NTM: variants seen among roughly 807,000 people sequenced by gnomAD.
The protein encoded by NTM is IgLON family member 2.
NTM carries 13 observed loss-of-function variants against 42.1 expected under a neutral mutation model. That is an observed-to-expected ratio of 0.31 (90% CI 0.20 to 0.49). NTM has a LOEUF of 0.49. Ranked by LOEUF, NTM falls within the 20% of genes least tolerant of loss-of-function variation. The pLI, the probability that NTM is intolerant of heterozygous loss-of-function variation, is 0.99. For synonymous variants in NTM, 187 were observed against 179.2 expected (o/e 1.04, Z -0.35); for missense variants, 373 against 452.8 (o/e 0.82, Z 1.60).
chr11:131,999,817 A>G (rs74420152), intron 2 of NTM, among the ~76,000 whole-genome samples: 3,540 of 152,248 alleles, frequency 0.023, 133 homozygotes, highest in African/African-American at 0.081. Flanking sequence ...GCATTCATTA[A>G]AGAGAAACTA....
At chr11:132,100,758 A>G (rs2061531142) in intron 2 of NTM, among the ~76,000 whole-genome samples, 1 of 152,160 alleles carries the variant, frequency 6.6e-6, no homozygotes, top group African/African-American at 2.4e-5. Flanking sequence ...ACCCCCACGC[A>G]TACATATACA....
intron 1 of NTM, among the ~76,000 whole-genome samples, chr11:131,880,046 G>A (rs998741619): frequency 6.6e-6 from 1 of 152,276 alleles, no homozygotes; most frequent in Admixed American, 6.5e-5. Flanking sequence ...TGGAGACATC[G>A]AAACATCAAC....
chr11:131,764,407 T>C (rs2084774863), intron 1 of NTM, among the ~76,000 whole-genome samples: 1 of 152,132 alleles, frequency 6.6e-6, no homozygotes, highest in Non-Finnish European at 1.5e-5. Flanking sequence ...GGATACCCTG[T>C]GTTGAGAGAC....
intron 1 of NTM, among the ~76,000 whole-genome samples, chr11:131,708,681 T>G (rs2076824516): frequency 6.6e-6 from 1 of 152,146 alleles, no homozygotes; most frequent in East Asian, 1.9e-4. Context: ...TAACAGAAAT[T>G]TATACATTTC....
At chr11:132,094,433 G>A (rs2136450316) in intron 2 of NTM, among the ~76,000 whole-genome samples, 1 of 152,234 alleles carries the variant, frequency 6.6e-6, no homozygotes, top group Non-Finnish European at 1.5e-5. Context: ...CTCCATGGGT[G>A]CAGCACTTCC....
intron 1 of NTM, among the ~76,000 whole-genome samples, chr11:131,822,751 G>A (rs7933669): frequency 0.026 from 3,976 of 152,248 alleles, 169 homozygotes; most frequent in African/African-American, 0.092. Context: ...ATATTCCATA[G>A]GATAGGGCAA....
At chr11:131,600,199 C>T (rs900953703) in intron 1 of NTM, among the ~76,000 whole-genome samples, 1 of 152,120 alleles carries the variant, frequency 6.6e-6, no homozygotes, top group Admixed American at 6.5e-5. Flanking sequence ...TAGGGAGACA[C>T]CTTGCTGTTT....
intron 2 of NTM, among the ~76,000 whole-genome samples, chr11:131,957,099 A>C (rs2061637029): frequency 6.6e-6 from 1 of 152,176 alleles, no homozygotes; most frequent in African/African-American, 2.4e-5. Context: ...AAGGTCATGT[A>C]AACTACGAGG....
intron 2 of NTM, among the ~76,000 whole-genome samples, chr11:131,973,822 A>C (rs762066642): frequency 6.6e-6 from 1 of 152,162 alleles, no homozygotes; most frequent in Non-Finnish European, 1.5e-5. Flanking sequence ...GTCTGAGAAA[A>C]ACAACAACGA....
At position 132,262,293 on chromosome 11, in the gene NTM, T is replaced by A. The variant is rs576680537; in HGVS notation, c.527-45396T>A. ...AGGCCTTTTGGCTCCTTCTCCCCAC[T>A]GCCTCAGGTTCCCAGGATTTCTGTG... On this transcript the variant is annotated intron_variant, in intron 4 of 8. Transcript: ENST00000683400. Among the ~76,000 whole-genome samples, 9 of 152,358 alleles carry A rather than the reference T, an allele frequency of 5.9e-5. No homozygotes were observed. The East Asian group carries it at 1.5e-3, about 26-fold the overall frequency.
intron 1 of NTM, among the ~76,000 whole-genome samples, chr11:131,547,457 C>T (rs1024337133): frequency 3.9e-5 from 6 of 152,184 alleles, no homozygotes; most frequent in African/African-American, 1.4e-4. Context: ...TGGGCAGAGC[C>T]TTCGGTGGCA....
At chr11:131,609,027 C>A (rs994133878) in intron 1 of NTM, among the ~76,000 whole-genome samples, 1 of 152,176 alleles carries the variant, frequency 6.6e-6, no homozygotes, top group Non-Finnish European at 1.5e-5. Context: ...TGGAAATAGG[C>A]CTATTCGCAT....
At chr11:132,084,283 G>A (rs771108687) in intron 2 of NTM, among the ~76,000 whole-genome samples, 8 of 152,018 alleles carry the variant, frequency 5.3e-5, no homozygotes, top group Non-Finnish European at 1.0e-4. Context: ...AAGAAATTTG[G>A]TTATCTTTGT....
chr11:132,104,255 C>G (rs1259538265), intron 2 of NTM, among the ~76,000 whole-genome samples: 2 of 152,068 alleles, frequency 1.3e-5, no homozygotes, highest in Non-Finnish European at 2.9e-5. Context: ...CCGCATGAGG[C>G]TATGTACCAA....
chr11:131,876,860 CT>C (rs112400063), intron 1 of NTM, among the ~76,000 whole-genome samples: 528 of 143,368 alleles, frequency 3.7e-3, no homozygotes, highest in East Asian at 0.032. Context: ...CAAAGCATAA[CT>C]TTTTTTTTTT....
At chr11:131,690,347 C>A (rs1001245186) in intron 1 of NTM, among the ~76,000 whole-genome samples, 1 of 152,172 alleles carries the variant, frequency 6.6e-6, no homozygotes, top group East Asian at 1.9e-4. Context: ...GATGTGAACC[C>A]CAGTACCAGA....
intron 1 of NTM, among the ~76,000 whole-genome samples, chr11:131,849,278 C>T (rs943894268): frequency 6.6e-6 from 1 of 152,128 alleles, no homozygotes; most frequent in Non-Finnish European, 1.5e-5. Flanking sequence ...TAAAGAAATA[C>T]CTGAGACTGG....
chr11:131,410,406 A>G (rs1377502301), intron 1 of NTM, among the ~76,000 whole-genome samples: 1 of 151,584 alleles, frequency 6.6e-6, no homozygotes, highest in Non-Finnish European at 1.5e-5. Context: ...GGCTCACTTG[A>G]ACCCAGGAGT....
chr11:131,392,095 G>A lies in NTM; in HGVS notation c.82+21207G>A, dbSNP rs529895117. ...TGCTCTAAAATACTAATAAGTAGAGGCCTTTGTAGTTTGGTTAATGGAGTC... is the reference window on the plus strand; with the variant it reads ...TGCTCTAAAATACTAATAAGTAGAGACCTTTGTAGTTTGGTTAATGGAGTC... On this transcript the variant is annotated intron_variant, in intron 1 of 8. Coordinates refer to ENST00000683400, the MANE Select transcript of NTM (RefSeq NM_001352005.2). 7.9e-5 allele frequency among the ~76,000 whole-genome samples: 12 copies of A among 152,320 alleles called. No individual in the cohort carries two copies. The South Asian group carries it at 2.3e-3, about 29-fold the overall frequency.
Sources: gnomAD v4.1 joint callset for allele counts (sites outside exome capture counted in the v4.1 genomes callset) on GRCh38, gnomAD v4.1.1 for gene constraint, MANE v1.5 for transcripts, NCBI Gene and HGNC (gene_info 2026-07-23, HGNC 2026-07-21) for gene names.